Variants in DOCK10 observed in about 807,000 individuals in gnomAD.
DOCK10 encodes the protein dedicator of cytokinesis protein 10.
In DOCK10, 145 loss-of-function variants were observed where a neutral mutation model predicts 280.1. The ratio of observed to expected loss-of-function variants is 0.52; its 90% CI spans 0.45 to 0.59. DOCK10 has a LOEUF of 0.59. DOCK10 is among the 20% of genes least tolerant of loss of function. The pLI is 0.00. For missense variants in DOCK10, 2,368 were observed against 2,651.7 expected, an observed-to-expected ratio of 0.89 and a Z score of 2.35; for synonymous variants, 915 against 942.2, an observed-to-expected ratio of 0.97 and a Z score of 0.53.
chr2:224,937,062 T>C (rs1397028330), intron 1 of DOCK10, among the ~76,000 whole-genome samples: 1 of 152,154 alleles, frequency 6.6e-6, no homozygotes, highest in East Asian at 1.9e-4. Flanking sequence ...TAGAAGCTAA[T>C]GTCAGCAAAA....
At chr2:224,781,171 T>C (rs1691306998) in intron 50 of DOCK10, among the ~76,000 whole-genome samples, 1 of 152,134 alleles carries the variant, frequency 6.6e-6, no homozygotes, top group Admixed American at 6.5e-5. Context: ...CTTAACTCAG[T>C]TTTCAGTGCT....
chr2:224,892,018 T>G (rs998237176), intron 4 of DOCK10, among the ~76,000 whole-genome samples: 5 of 152,166 alleles, frequency 3.3e-5, no homozygotes, highest in African/African-American at 1.2e-4. Flanking sequence ...GTTCCTGAAC[T>G]GAGGAAGCTT....
At chr2:224,932,033 A>G (rs1198055844) in intron 1 of DOCK10, among the ~76,000 whole-genome samples, 2 of 152,166 alleles carry the variant, frequency 1.3e-5, no homozygotes, top group Non-Finnish European at 2.9e-5. Flanking sequence ...TATGATGATT[A>G]TCATCATTTC....
intron 2 of DOCK10, among the ~76,000 whole-genome samples, chr2:224,919,026 G>A (rs1374513710): frequency 6.8e-6 from 1 of 146,222 alleles, no homozygotes; most frequent in Non-Finnish European, 1.5e-5. Flanking sequence ...TACGCACAGG[G>A]TGTGTGTGGT....
intron 50 of DOCK10, among the ~76,000 whole-genome samples, chr2:224,780,369 C>T (rs573609121): frequency 1.3e-5 from 2 of 152,250 alleles, no homozygotes; most frequent in African/African-American, 4.8e-5. Context: ...CAGACTGACA[C>T]ATCAGAGAAA....
At chr2:224,813,929 T>C (rs1324751595) in intron 31 of DOCK10, among the ~76,000 whole-genome samples, 1 of 152,230 alleles carries the variant, frequency 6.6e-6, no homozygotes, top group Admixed American at 6.5e-5. Flanking sequence ...AATAAACTTA[T>C]ACTAATATCC....
intron 8 of DOCK10, among the ~76,000 whole-genome samples, 193 bp from the exon 9 acceptor site, chr2:224,874,944 G>A (rs1409718789): frequency 6.6e-6 from 1 of 152,186 alleles, no homozygotes; most frequent in Non-Finnish European, 1.5e-5. Flanking sequence ...ACCCTCTGAT[G>A]ATCATTTTGG....
At chr2:224,831,310 A>G (rs1695214269) in intron 26 of DOCK10, among the ~76,000 whole-genome samples, 1 of 152,234 alleles carries the variant, frequency 6.6e-6, no homozygotes, top group African/African-American at 2.4e-5. Flanking sequence ...ATGGAAGGTC[A>G]TATGTCTAGA....
At chr2:224,801,094 G>A (rs1342889220) in intron 40 of DOCK10, among the ~76,000 whole-genome samples, 2 of 151,968 alleles carry the variant, frequency 1.3e-5, no homozygotes, top group Non-Finnish European at 2.9e-5. Flanking sequence ...TGTAGATGAA[G>A]CCTCCAGATG....
rs1481845572 is a variant in DOCK10, at chr2:224,839,944, T to A, written c.2780+10A>T. 7.6e-7 allele frequency: 1 copy of A among 1,315,060 alleles called. No homozygotes were observed. The highest frequency in any genetic ancestry group is 2.5e-5 in the East Asian group (1 of 40,166). The allele number at this position is 1,315,060 out of a possible 1,614,324, so 81.5% of individuals were successfully genotyped here. A position where few individuals can be genotyped will look rare whatever the true frequency, so the allele number is the denominator to read the frequency against. Reference sequence around the variant, plus strand: ...TAAAGTCTCTCCTCTTAAGGTTGTGTTATGGATACCTGGTGACAGTTGTAG... The same window carrying A: ...TAAAGTCTCTCCTCTTAAGGTTGTGATATGGATACCTGGTGACAGTTGTAG... On this transcript the variant is annotated intron_variant, in intron 24 of 55. Transcript: ENST00000258390.
chr2:224,897,357 G>A (rs1700045422), intron 3 of DOCK10, among the ~76,000 whole-genome samples: 1 of 152,152 alleles, frequency 6.6e-6, no homozygotes, highest in Non-Finnish European at 1.5e-5. Flanking sequence ...ACCACATCAT[G>A]GAAAATGGGG....
chr2:224,796,361 C>A lies in DOCK10; in HGVS notation c.4893G>T (p.Ser1631=), dbSNP rs540533078. The A allele has an allele frequency of 6.4e-7, 1 of 1,574,396 alleles. No individual in the cohort carries two copies. Among genetic ancestry groups the A allele is most frequent in the Non-Finnish European group, 8.6e-7 (1 of 1,158,694 alleles). The stretch of plus-strand genomic sequence containing the variant: ...TGGCGAAATTATTGGTAATTGCAAG[C>A]GAATGTTGAAACCGAGAGCCTCCAA... ...AGIGGSRFQH[S]LAITNNFANG... is the part of the protein sequence containing the mutation. The change falls in exon 44 of 56, where the codon TCG becomes TCT. Residue 1631 remains serine, a synonymous_variant. Coordinates refer to ENST00000258390, the MANE Select transcript of DOCK10 (RefSeq NM_014689.3).
intron 11 of DOCK10, among the ~76,000 whole-genome samples, chr2:224,867,684 G>T (rs915953606): frequency 2.0e-5 from 3 of 152,226 alleles, no homozygotes; most frequent in Admixed American, 2.0e-4. Context: ...CACAGGAAAA[G>T]AACATTAGAG....
intron 19 of DOCK10, among the ~76,000 whole-genome samples, chr2:224,848,321 T>A (rs1696498791): frequency 6.6e-6 from 1 of 152,256 alleles, no homozygotes; most frequent in Admixed American, 6.5e-5. Context: ...ATCTCAGGCA[T>A]CCCATCAGCA....
chr2:224,904,851 C>G (rs1257746402), intron 3 of DOCK10, among the ~76,000 whole-genome samples: 7 of 152,054 alleles, frequency 4.6e-5, no homozygotes, highest in Non-Finnish European at 8.8e-5. Context: ...ATTATTTTAA[C>G]TATAAAAGTA....
At chr2:224,941,389 C>T (rs1169722804) in intron 1 of DOCK10, among the ~76,000 whole-genome samples, 1 of 152,086 alleles carries the variant, frequency 6.6e-6, no homozygotes. Flanking sequence ...TTCTTCACTC[C>T]CTGTTGGGAG....
At position 224,834,167 on chromosome 2, in the gene DOCK10, CTGT is replaced by C; in HGVS notation, c.2944_2946del (p.Thr982del). On this transcript the variant is annotated inframe_deletion, in exon 26 of 56. Transcript: ENST00000258390. ...ATTCTTACCTTTAGGACATGCTTTA[CTGT>C]TGTTGAGTCATTTGATTTCAAAAGA... is the stretch of plus-strand genomic sequence containing the variant. The C allele has an allele frequency of 1.2e-6, 2 of 1,609,018 alleles. No homozygotes were observed. Among genetic ancestry groups the C allele is most frequent in the Non-Finnish European group, 1.7e-6 (2 of 1,175,408 alleles).
chr2:224,800,203 T>A lies in DOCK10; in HGVS notation c.4454A>T (p.Glu1485Val), dbSNP rs1692886214. The A allele has an allele frequency of 6.2e-7, 1 of 1,612,286 alleles. No individual in the cohort carries two copies. Among genetic ancestry groups the A allele is most frequent in the African/African-American group, 1.3e-5 (1 of 74,880 alleles). Reference protein sequence around the residue: ...HVDTEANIATEVCLTILDLLS... With the variant: ...HVDTEANIATVVCLTILDLLS... Reference sequence around the variant, plus strand: ...CAGGTCCAGAATAGTGAGGCAAACCTCCGTAGCTATATTGGCCTCAGTGTC... The same window carrying A: ...CAGGTCCAGAATAGTGAGGCAAACCACCGTAGCTATATTGGCCTCAGTGTC... The change falls in exon 41 of 56, where the codon GAG (glutamate) becomes GTG (valine). Residue 1485 changes from glutamate (E) to valine (V), a missense_variant. Glu to Val is a moderately radical substitution (Grantham distance 121). Around this residue, in one of 2 missense-constraint regions of DOCK10, gnomAD observed 1,159 missense variants for 1,400.8 expected, o/e 0.83. Coordinates refer to ENST00000258390, the MANE Select transcript of DOCK10 (RefSeq NM_014689.3).
At chr2:225,022,459 C>T (rs1167127298) in intron 1 of DOCK10, among the ~76,000 whole-genome samples, 1 of 110,476 alleles carries the variant, frequency 9.1e-6, no homozygotes, top group Non-Finnish European at 2.4e-5. Context: ...AAGTCACAAA[C>T]CTTACCCGTA....
Sources: gnomAD v4.1 joint callset for allele counts (sites outside exome capture counted in the v4.1 genomes callset) on GRCh38, gnomAD v4.1.1 for gene constraint, gnomAD v4.1.1 regional missense constraint, MANE v1.5 for transcripts, NCBI Gene and HGNC (gene_info 2026-07-23, HGNC 2026-07-21) for gene names.